The following RBCK1 variants were observed in gnomAD, a reference collection of about 807,000 sequenced individuals.
The protein encoded by RBCK1 is ranBP-type and C3HC4-type zinc finger-containing protein 1.
RBCK1 carries 44 observed loss-of-function variants against 71.1 expected under a neutral mutation model. The ratio of observed to expected loss-of-function variants is 0.62; its 90% CI spans 0.49 to 0.80. The LOEUF is 0.80. Ranked by LOEUF, RBCK1 falls within the 30% of genes least tolerant of loss-of-function variation. The probability of loss-of-function intolerance (pLI) is 0.00; values close to 1 mark genes in which losing one functional copy is unlikely to be tolerated. For synonymous variants in RBCK1, 306 were observed against 279.7 expected (o/e 1.09, Z -0.94); for missense variants, 569 against 685.0 (o/e 0.83, Z 1.89).
In RBCK1 at chr20:428,968, C is replaced by T. The variant is rs1437187965; in HGVS notation, c.1326C>T (p.Gly442=). 11 of 1,609,324 alleles carry T rather than the reference C, an allele frequency of 6.8e-6. No homozygotes were observed. Among genetic ancestry groups the T allele is most frequent in the East Asian group, 4.5e-5 (2 of 44,856 alleles). Residue 442 remains glycine, a synonymous_variant, in exon 11 of 12, where the codon GGC becomes GGT. Transcript: ENST00000356286. The surrounding 1 kb of genome is among the most constrained non-coding windows in gnomAD (Gnocchi z 5.7). The part of the protein sequence containing the change: ...TEMLKVMLQQ[G]EAMRCPQCQI... ...CACTCCAGGTGATGCTGCAGCAGGG[C>T]GAGGCCATGCGCTGCCCCCAGTGCC...
At chr20:409,812 C>T in intron 1 of RBCK1, 69 bp from the exon 2 acceptor site, 1 of 1,560,946 alleles carries the variant, frequency 6.4e-7, no homozygotes, top group Non-Finnish European at 8.7e-7. Context: ...GCCTCCTTTC[C>T]TACCCCATTA....
In RBCK1 at chr20:427,374, G is replaced by A. The variant is rs562488006; in HGVS notation, c.1091G>A (p.Arg364His). The change falls in exon 9 of 12, where the codon CGC becomes CAC. Residue 364 changes from arginine (R) to histidine (H), a missense_variant. By Grantham distance (29) the Arg-to-His change is conservative. Around this residue, in one of 2 missense-constraint regions of RBCK1, gnomAD observed 211 missense variants for 309.4 expected, o/e 0.68. Coordinates refer to ENST00000356286, the MANE Select transcript of RBCK1 (RefSeq NM_031229.4). The stretch of plus-strand genomic sequence containing the variant: ...CTGGGCATCTCCATTGCTGAAAACC[G>A]CAGTGCCTTCAGCTACCATTGCAAG... ...LDLGISIAEN[R>H]SAFSYHCKTP... 5.0e-6 allele frequency: 8 copies of A among 1,614,134 alleles called. No individual in the cohort carries two copies. Among genetic ancestry groups the A allele is most frequent in the East Asian group, 2.2e-5 (1 of 44,882 alleles).
chr20:428,312 C>A lies in RBCK1; in HGVS notation c.1210-179C>A, dbSNP rs182279147. 6.6e-6 allele frequency among the ~76,000 whole-genome samples: 1 copy of A among 152,174 alleles called. No homozygotes were observed. The highest frequency in any genetic ancestry group is 1.5e-5 in the Non-Finnish European group (1 of 68,028). ...GCATATGTGATGACCTTGACTTCAC[C>A]TCCCTGGCGCCAATATCCTCTTCTG... is the stretch of plus-strand genomic sequence containing the variant. On this transcript the variant is annotated intron_variant, in intron 9 of 11. Transcript: ENST00000356286. The surrounding 1 kb of genome is among the most constrained non-coding windows in gnomAD (Gnocchi z 5.7).
At position 428,825 on chromosome 20, in the gene RBCK1, TG is replaced by T; in HGVS notation, c.1309-124del. ...GGGGGTTGCTGGATGGAGCCTGGCC[TG>T]GCAGAGCCACACAGGAGAGACTCCA... On this transcript the variant is annotated intron_variant, in intron 10 of 11. Coordinates refer to ENST00000356286, the MANE Select transcript of RBCK1 (RefSeq NM_031229.4). This position sits in a 1 kb window ranked among gnomAD's most constrained non-coding sequence, Gnocchi z 5.7. The T allele has an allele frequency of 7.0e-7, 1 of 1,437,508 alleles. No individual in the cohort carries two copies. The highest frequency in any genetic ancestry group is 9.1e-7 in the Non-Finnish European group (1 of 1,100,488). 89.0% of individuals were successfully genotyped at this position (1,437,508 alleles called of 1,614,324 possible). A position where few individuals can be genotyped will look rare whatever the true frequency, so the allele number is the denominator to read the frequency against.
intron 1 of RBCK1, 23 bp downstream of exon 1, chr20:408,802 T>G: frequency 6.2e-7 from 1 of 1,606,022 alleles, no homozygotes; most frequent in South Asian, 1.1e-5. Flanking sequence ...TGGAGGTGGC[T>G]GGGGAACTTC....
In RBCK1 at chr20:428,764, C is replaced by T. The variant is rs576290053; in HGVS notation, c.1308+175C>T. 6.7e-5 allele frequency: 95 copies of T among 1,408,264 alleles called. No homozygotes were observed. The African/African-American group carries it at 1.2e-3, about 19-fold the overall frequency. 87.2% of individuals were successfully genotyped at this position (1,408,264 alleles called of 1,614,324 possible). ...GGCCGAATGGTCATGTCAGGAAGAG[C>T]GTCTGGGTGGAGGGTGGAGACCACA... is the stretch of plus-strand genomic sequence containing the variant. On this transcript the variant is annotated intron_variant, in intron 10 of 11. Transcript: ENST00000356286. The surrounding 1 kb of genome is among the most constrained non-coding windows in gnomAD (Gnocchi z 5.7).
chr20:416,382 G>A (rs1395594179), intron 2 of RBCK1, among the ~76,000 whole-genome samples: 5 of 151,588 alleles, frequency 3.3e-5, no homozygotes, highest in African/African-American at 9.7e-5. Flanking sequence ...GGATGGTCTC[G>A]ATCTCCTGAC....
chr20:421,159 C>G lies in RBCK1; in HGVS notation c.917+128C>G, dbSNP rs2016411551. 7 of 1,178,082 alleles carry G rather than the reference C, an allele frequency of 5.9e-6. No individual in the cohort carries two copies. In the South Asian group the frequency reaches 6.4e-5, roughly 11 times the overall value. The allele number at this position is 1,178,082 out of a possible 1,614,324, so 73.0% of individuals were successfully genotyped here. A position where few individuals can be genotyped will look rare whatever the true frequency, so the allele number is the denominator to read the frequency against. On this transcript the variant is annotated intron_variant, in intron 7 of 11. Coordinates refer to ENST00000356286, the MANE Select transcript of RBCK1 (RefSeq NM_031229.4). ...CGCCCGCGAAAACCTACGAGGTAGGCTCCGTCTCCCCATGTTGCGGACGAG... is the reference window on the plus strand; with the variant it reads ...CGCCCGCGAAAACCTACGAGGTAGGGTCCGTCTCCCCATGTTGCGGACGAG...
chr20:410,425 C>T (rs865809105), intron 2 of RBCK1: 1 of 779,646 alleles, frequency 1.3e-6, no homozygotes, highest in African/African-American at 1.7e-5. Flanking sequence ...CCTCATGGTG[C>T]AAAATGGCCA....
In RBCK1 at chr20:412,159, T is replaced by G. The variant is rs6115874; in HGVS notation, c.167+2134T>G. On this transcript the variant is annotated intron_variant, in intron 2 of 11. Transcript: ENST00000356286. ...CTAATACTTGTTGTTGTTTATCTTT[T>G]TGATTATAGCCATCCTAGTAAGTTT... Among the ~76,000 whole-genome samples the G allele has an allele frequency of 4.4e-3, 666 of 152,348 alleles. 4 individuals are homozygous for G. Among genetic ancestry groups the G allele is most frequent in the African/African-American group, 0.015 (620 of 41,576 alleles).
In RBCK1 at chr20:412,617, C is replaced by T. The variant is rs139915449; in HGVS notation, c.167+2592C>T. Reference sequence around the variant, plus strand: ...TACAGGCATGAGCCACTGCACCCGGCTGGGTTTATGTTTTTATATTGAGTT... The same window carrying T: ...TACAGGCATGAGCCACTGCACCCGGTTGGGTTTATGTTTTTATATTGAGTT... On this transcript the variant is annotated intron_variant, in intron 2 of 11. Transcript: ENST00000356286. 3.3e-5 allele frequency among the ~76,000 whole-genome samples: 5 copies of T among 152,312 alleles called. No homozygotes were observed. In the East Asian group the frequency reaches 9.6e-4, roughly 29 times the overall value.
At chr20:426,815 CCTTTTTT>C (rs2016742717) in intron 8 of RBCK1, among the ~76,000 whole-genome samples, 1 of 130,820 alleles carries the variant, frequency 7.6e-6, no homozygotes, top group African/African-American at 3.1e-5. Flanking sequence ...CTTTTCTTTT[CCTTTTTT>C]TTTTTTTTTT....
Position 432,077 on chromosome 20 carries a change from TC to T in RBCK1, c.*1648del, listed in dbSNP as rs1240353912. Among the ~76,000 whole-genome samples, 3 of 152,194 alleles carry T rather than the reference TC, an allele frequency of 2.0e-5. No homozygotes were observed. Among genetic ancestry groups the T allele is most frequent in the Admixed American group, 6.5e-5 (1 of 15,272 alleles). ...TTTAGAAATTTAAATCGGTTGCCCA[TC>T]TTTTTAAATTGGCAACATCGTTTAC... is the stretch of plus-strand genomic sequence containing the variant. On this transcript the variant is annotated 3_prime_UTR_variant, in exon 12 of 12. Coordinates refer to ENST00000356286, the MANE Select transcript of RBCK1 (RefSeq NM_031229.4). The surrounding 1 kb of genome is among the most constrained non-coding windows in gnomAD (Gnocchi z 4.3).
In RBCK1 at chr20:430,275, G is replaced by A. The variant is rs930238566; in HGVS notation, c.1453-75G>A. ...AGGACCTGCAGAGGCAAAGGCCCGG[G>A]GTGGGAGAGCGCTCGGCTGTGGGGG... On this transcript the variant is annotated intron_variant, in intron 11 of 11. Coordinates refer to ENST00000356286, the MANE Select transcript of RBCK1 (RefSeq NM_031229.4). This position sits in a 1 kb window ranked among gnomAD's most constrained non-coding sequence, Gnocchi z 5.6. The A allele has an allele frequency of 7.4e-7, 1 of 1,347,286 alleles. No homozygotes were observed. Among genetic ancestry groups the A allele is most frequent in the South Asian group, 1.2e-5 (1 of 85,078 alleles). 83.5% of individuals were successfully genotyped at this position (1,347,286 alleles called of 1,614,324 possible). A position where few individuals can be genotyped will look rare whatever the true frequency, so the allele number is the denominator to read the frequency against.
At chr20:420,266 G>C in intron 6 of RBCK1, 1 of 984,872 alleles carries the variant, frequency 1.0e-6, no homozygotes, top group Non-Finnish European at 1.2e-6. Flanking sequence ...CCCGACCCCG[G>C]TCCTACGCCT....
At chr20:424,856 C>T (rs917362923) in intron 8 of RBCK1, among the ~76,000 whole-genome samples, 3 of 152,118 alleles carry the variant, frequency 2.0e-5, no homozygotes, top group Non-Finnish European at 2.9e-5. Context: ...CAGGGATCAG[C>T]CAAGTAATGT....
intron 2 of RBCK1, among the ~76,000 whole-genome samples, chr20:413,833 CATTA>C (rs769535158): frequency 7.0e-6 from 1 of 142,082 alleles, no homozygotes; most frequent in Non-Finnish European, 1.5e-5. Context: ...TTAGCTATTA[CATTA>C]ATTAATAAAA....
At position 428,884 on chromosome 20, in the gene RBCK1, A is replaced by G. The variant is rs2016871567; in HGVS notation, c.1309-67A>G. 5 of 1,523,222 alleles carry G rather than the reference A, an allele frequency of 3.3e-6. No homozygotes were observed. In the East Asian group the frequency reaches 9.2e-5, roughly 28 times the overall value. The allele number at this position is 1,523,222 out of a possible 1,614,324, so 94.4% of individuals were successfully genotyped here. On this transcript the variant is annotated intron_variant, in intron 10 of 11. Transcript: ENST00000356286. This position sits in a 1 kb window ranked among gnomAD's most constrained non-coding sequence, Gnocchi z 5.7. ...AGAGGGTCACCACCTTCTCCCTGCC[A>G]TGGGGAGGGGCCAGGCTGGGTGACT...
chr20:421,903 G>C (rs1174275506), intron 7 of RBCK1: 1 of 529,698 alleles, frequency 1.9e-6, no homozygotes, highest in African/African-American at 1.9e-5. Flanking sequence ...CCCAGGTGGG[G>C]GATGTGGGGC....
Sources: gnomAD v4.1 joint callset for allele counts (sites outside exome capture counted in the v4.1 genomes callset) on GRCh38, gnomAD v4.1.1 for gene constraint, gnomAD v4.1.1 regional missense constraint, Gnocchi (gnomAD v3.1) non-coding constraint, MANE v1.5 for transcripts, NCBI Gene and HGNC (gene_info 2026-07-23, HGNC 2026-07-21) for gene names.